Variants in CFAP54 observed in about 807,000 individuals in gnomAD.
CFAP54 encodes the protein cilia- and flagella-associated protein 54.
CFAP54 carries 290 observed loss-of-function variants against 370.4 expected under a neutral mutation model. That is an observed-to-expected ratio of 0.78 (90% CI 0.71 to 0.86). CFAP54 has a LOEUF of 0.86. Ranked by LOEUF, CFAP54 falls within the 40% of genes least tolerant of loss-of-function variation. CFAP54 has a pLI of 0.00. For missense variants in CFAP54, 3,399 were observed against 3,528.7 expected, an observed-to-expected ratio of 0.96 and a Z score of 0.93; for synonymous variants, 1,206 against 1,236.5, an observed-to-expected ratio of 0.98 and a Z score of 0.52.
chr12:96,658,658 C>G (rs1956953482), intron 38 of CFAP54, among the ~76,000 whole-genome samples: 1 of 151,998 alleles, frequency 6.6e-6, no homozygotes, highest in African/African-American at 2.4e-5. Flanking sequence ...TGAAGTCTCA[C>G]TCTGTCACCC....
chr12:96,506,256 G>A (rs550611166), intron 3 of CFAP54, among the ~76,000 whole-genome samples: 14 of 151,108 alleles, frequency 9.3e-5, no homozygotes, highest in African/African-American at 2.4e-4. Context: ...GGAGAATGGC[G>A]TGAACCCAGG....
intron 61 of CFAP54, among the ~76,000 whole-genome samples, chr12:96,785,514 A>G (rs926464460): frequency 6.6e-6 from 1 of 152,210 alleles, no homozygotes. Context: ...TGGGGAAACC[A>G]GAAGGGCAAA....
At chr12:96,826,561 TAA>T (rs1182137727) in intron 65 of CFAP54, among the ~76,000 whole-genome samples, 60 of 84,716 alleles carry the variant, frequency 7.1e-4, no homozygotes, top group African/African-American at 2.5e-3. Flanking sequence ...ATATAATATA[TAA>T]TATATAATAT....
rs5800251 is a variant in CFAP54, at chr12:96,534,000, GTT to G, written c.1539+36_1539+37del. 395 of 1,408,482 alleles carry G rather than the reference GTT, an allele frequency of 2.8e-4. 4 individuals carry two copies. The South Asian group carries it at 4.8e-3, about 17-fold the overall frequency. The allele number at this position is 1,408,482 out of a possible 1,614,324, so 87.2% of individuals were successfully genotyped here. A position where few individuals can be genotyped will look rare whatever the true frequency, so the allele number is the denominator to read the frequency against. ...TAATATATGCAAAATTATCCTCCTGGTTTTTTTTTTGTTAAAATGACATCCAA... is the reference window on the plus strand; with the variant it reads ...TAATATATGCAAAATTATCCTCCTGGTTTTTTTTGTTAAAATGACATCCAA... On this transcript the variant is annotated intron_variant, in intron 10 of 67. Coordinates refer to ENST00000524981, the MANE Select transcript of CFAP54 (RefSeq NM_001306084.2).
chr12:96,802,600 G>C (rs1394748174), intron 63 of CFAP54, among the ~76,000 whole-genome samples: 1 of 152,048 alleles, frequency 6.6e-6, no homozygotes, highest in African/African-American at 2.4e-5. Context: ...TTGAGAACCT[G>C]CCCACACATC....
At chr12:96,646,741 G>A (rs930965602) in intron 33 of CFAP54, 3 of 152,194 alleles carry the variant, frequency 2.0e-5, no homozygotes, top group African/African-American at 7.2e-5. Flanking sequence ...AGAAAATGTG[G>A]CACGTATACA....
chr12:96,737,563 C>T (rs1438070459), intron 50 of CFAP54, among the ~76,000 whole-genome samples: 2 of 150,476 alleles, frequency 1.3e-5, no homozygotes, highest in Non-Finnish European at 3.0e-5. Flanking sequence ...CATCTTGGCT[C>T]ACTGCAACCT....
chr12:96,679,850 A>G (rs1465982521), intron 40 of CFAP54, 98 bp downstream of exon 40: 2 of 1,185,126 alleles, frequency 1.7e-6, no homozygotes, highest in Non-Finnish European at 2.4e-6. Context: ...CTCCCCGTGT[A>G]CATGCAACAC....
At chr12:96,625,299 A>G (rs1051269266) in intron 28 of CFAP54, among the ~76,000 whole-genome samples, 1 of 152,226 alleles carries the variant, frequency 6.6e-6, no homozygotes, top group African/African-American at 2.4e-5. Context: ...AAAAAATGTC[A>G]TAGTTAGAAT....
chr12:96,874,690 C>T (rs1374864841), intron 67 of CFAP54, among the ~76,000 whole-genome samples: 5 of 126,552 alleles, frequency 4.0e-5, no homozygotes, highest in Admixed American at 1.9e-4. Flanking sequence ...AGTGCAGTGG[C>T]GCGATCTCGG....
At chr12:96,645,755 T>C (rs1347691797) in intron 33 of CFAP54, 1 of 152,110 alleles carries the variant, frequency 6.6e-6, no homozygotes, top group Non-Finnish European at 1.5e-5. Context: ...AACAGAGATA[T>C]AGACAAATGG....
chr12:96,518,762 C>T (rs1955268928), intron 5 of CFAP54, among the ~76,000 whole-genome samples, 166 bp from the exon 6 acceptor site: 1 of 152,086 alleles, frequency 6.6e-6, no homozygotes, highest in African/African-American at 2.4e-5. Flanking sequence ...TTTAAATTAT[C>T]TTTTACTTTT....
intron 63 of CFAP54, among the ~76,000 whole-genome samples, chr12:96,805,088 C>G (rs1194144272): frequency 6.6e-6 from 1 of 151,840 alleles, no homozygotes; most frequent in Non-Finnish European, 1.5e-5. Flanking sequence ...AGATACAAAA[C>G]TGAAGATGGA....
At chr12:96,580,547 A>C in intron 20 of CFAP54, 50 bp from the exon 21 acceptor site, 2 of 974,538 alleles carry the variant, frequency 2.1e-6, no homozygotes, top group Non-Finnish European at 2.9e-6. Flanking sequence ...TTTTTGTTAC[A>C]TTGATATAAA....
Position 96,744,016 on chromosome 12 carries a change from A to T in CFAP54, c.7558-4A>T. 1 of 1,605,874 alleles carries T rather than the reference A, an allele frequency of 6.2e-7. No individual in the cohort carries two copies. The highest frequency in any genetic ancestry group is 8.5e-7 in the Non-Finnish European group (1 of 1,177,800). ...GCTCATTACAATATTTGTTTTTTTA[A>T]TAGATGCTAGCTTTTGGAGAAACAA... On this transcript the variant is annotated splice_polypyrimidine_tract_variant and splice_region_variant and intron_variant, in intron 54 of 67. Coordinates refer to ENST00000524981, the MANE Select transcript of CFAP54 (RefSeq NM_001306084.2).
chr12:96,709,866 G>A (rs1412663513), intron 48 of CFAP54, among the ~76,000 whole-genome samples: 8 of 152,010 alleles, frequency 5.3e-5, no homozygotes, highest in Middle Eastern at 3.4e-3. Flanking sequence ...GACAATAGGC[G>A]CCTGCCACCA....
chr12:96,811,609 A>G lies in CFAP54; in HGVS notation c.8851-127A>G, dbSNP rs1029519788. On this transcript the variant is annotated intron_variant, in intron 63 of 67. Transcript: ENST00000524981. Reference sequence around the variant, plus strand: ...TCTCTTTCAGGTGAATTGAAAACCCAATTTTTCTCTTCTAAACAAATACTT... The same window carrying G: ...TCTCTTTCAGGTGAATTGAAAACCCGATTTTTCTCTTCTAAACAAATACTT... 3.8e-5 allele frequency: 20 copies of G among 528,170 alleles called. No individual in the cohort carries two copies. The African/African-American group carries it at 4.0e-4, about 11-fold the overall frequency. 32.7% of individuals were successfully genotyped at this position (528,170 alleles called of 1,614,324 possible). A position where few individuals can be genotyped will look rare whatever the true frequency, so the allele number is the denominator to read the frequency against.
chr12:96,657,518 T>C (rs1956935161), intron 36 of CFAP54, among the ~76,000 whole-genome samples: 1 of 152,220 alleles, frequency 6.6e-6, no homozygotes, highest in Admixed American at 6.5e-5. Context: ...ATCTGTGTTG[T>C]CCAATATGGT....
chr12:96,625,852 T>A, intron 29 of CFAP54, 45 bp downstream of exon 29: 1 of 1,312,968 alleles, frequency 7.6e-7, no homozygotes, highest in Non-Finnish European at 1.0e-6. Flanking sequence ...GATTTATCAC[T>A]GAAGAGAATT....
Sources: allele counts gnomAD v4.1 joint callset (sites outside exome capture counted in the v4.1 genomes callset), GRCh38; gene constraint gnomAD v4.1.1; transcripts MANE v1.5; gene names NCBI Gene and HGNC (gene_info 2026-07-23, HGNC 2026-07-21).